Variants in AFAP1L2 observed in about 807,000 individuals in gnomAD.
AFAP1L2 encodes the protein actin filament associated protein 1 like 2, also known as actin filament-associated protein 1-like 2.
AFAP1L2 carries 46 observed loss-of-function variants against 99.3 expected under a neutral mutation model. The ratio of observed to expected loss-of-function variants is 0.46; its 90% CI spans 0.37 to 0.59. The LOEUF (loss-of-function observed/expected upper bound fraction) is 0.59, where lower values mean the gene tolerates loss of function less well. Among genes scored for constraint, AFAP1L2 ranks in the 20% least tolerant of loss-of-function variants. AFAP1L2 has a pLI of 0.00. For synonymous variants in AFAP1L2, 397 were observed against 419.1 expected (o/e 0.95, Z 0.64); for missense variants, 959 against 1,034.9 (o/e 0.93, Z 1.01).
At chr10:114,350,137 G>C (rs1015178966) in intron 1 of AFAP1L2, among the ~76,000 whole-genome samples, 4 of 152,206 alleles carry the variant, frequency 2.6e-5, no homozygotes, top group Non-Finnish European at 1.5e-5. Flanking sequence ...GCTGGAATCA[G>C]AGCTTCTCAG....
intron 2 of AFAP1L2, among the ~76,000 whole-genome samples, chr10:114,338,322 C>T (rs923714063): frequency 6.6e-6 from 1 of 152,304 alleles, no homozygotes; most frequent in East Asian, 1.9e-4. Context: ...ATTAGATGCC[C>T]TTGCACGGTC....
At chr10:114,286,565 C>G in the AFAP1L2 span, 1 of 1,456,480 alleles carries the variant, frequency 6.9e-7, no homozygotes, top group Admixed American at 2.3e-5. Context: ...GGTCCTTCCT[C>G]CTTTTGGCCA....
At chr10:114,306,715 G>A (rs1235046813) in intron 10 of AFAP1L2, among the ~76,000 whole-genome samples, 1 of 152,002 alleles carries the variant, frequency 6.6e-6, no homozygotes, top group African/African-American at 2.4e-5. Flanking sequence ...AGCACCCCCA[G>A]TCCTGGGAAG....
intron 1 of AFAP1L2, among the ~76,000 whole-genome samples, chr10:114,369,083 T>C (rs2136919251): frequency 6.6e-6 from 1 of 152,270 alleles, no homozygotes; most frequent in Admixed American, 6.5e-5. Flanking sequence ...AATTATGAGA[T>C]TTTTTTGGGG....
chr10:114,351,753 G>A (rs112425336), intron 1 of AFAP1L2, among the ~76,000 whole-genome samples: 8 of 152,312 alleles, frequency 5.3e-5, no homozygotes, highest in Admixed American at 3.3e-4. Flanking sequence ...GAACTTATGC[G>A]CCCTCTGAAC....
chr10:114,385,292 G>C (rs2056353410), intron 1 of AFAP1L2, among the ~76,000 whole-genome samples: 1 of 152,192 alleles, frequency 6.6e-6, no homozygotes, highest in African/African-American at 2.4e-5. Flanking sequence ...TTCAGAGACA[G>C]CCACAGAGTC....
chr10:114,395,178 T>TG (rs2057564546), intron 1 of AFAP1L2, among the ~76,000 whole-genome samples: 1 of 152,210 alleles, frequency 6.6e-6, no homozygotes, highest in Admixed American at 6.5e-5. Context: ...AGAGGGCTTC[T>TG]GTTAACTGTA....
intron 1 of AFAP1L2, among the ~76,000 whole-genome samples, chr10:114,373,589 C>T (rs1260024230): frequency 6.6e-6 from 1 of 152,142 alleles, no homozygotes; most frequent in African/African-American, 2.4e-5. Context: ...TGTGCTATTG[C>T]ACTCCAGCCT....
intron 1 of AFAP1L2, among the ~76,000 whole-genome samples, chr10:114,354,354 G>A (rs1216436770): frequency 6.6e-6 from 1 of 152,072 alleles, no homozygotes; most frequent in African/African-American, 2.4e-5. Context: ...AATAATCAGG[G>A]GACAGCCTGT....
the AFAP1L2 span, chr10:114,289,744 C>T: frequency 1.8e-6 from 1 of 544,440 alleles, no homozygotes; most frequent in Non-Finnish European, 3.3e-6. Flanking sequence ...TATGCATTCC[C>T]TTTAAACAGA....
chr10:114,402,585 G>A (rs1176176430), intron 1 of AFAP1L2, among the ~76,000 whole-genome samples: 1 of 152,164 alleles, frequency 6.6e-6, no homozygotes, highest in African/African-American at 2.4e-5. Flanking sequence ...AAAAACATAA[G>A]CACCCTGACC....
At chr10:114,294,779 A>G (rs1281207684), downstream of AFAP1L2, 1 of 957,740 alleles carries the variant, frequency 1.0e-6, no homozygotes, top group Non-Finnish European at 1.2e-6. Flanking sequence ...TCCCTTGAGA[A>G]CCCCCCAGGC....
At chr10:114,302,164 C>T (rs2134057381) in intron 12 of AFAP1L2, 175 bp downstream of exon 12, 1 of 974,508 alleles carries the variant, frequency 1.0e-6, no homozygotes, top group East Asian at 2.5e-5. Flanking sequence ...TAGCTCAGCT[C>T]CTGGCTCTTG....
intron 5 of AFAP1L2, among the ~76,000 whole-genome samples, chr10:114,318,169 T>C (rs2044449161): frequency 6.6e-6 from 1 of 152,236 alleles, no homozygotes; most frequent in Admixed American, 6.5e-5. Flanking sequence ...AAAATGTTTT[T>C]CCTTATTGCC....
At chr10:114,289,393 C>CGGAGGCTTG in the AFAP1L2 span, 12,587 of 1,614,208 alleles carry the variant, frequency 7.8e-3, 76 homozygotes, top group Admixed American at 9.8e-3. Flanking sequence ...TGAGGGTCTG[C>CGGAGGCTTG]GGAGGCTTGC....
chr10:114,291,699 C>A (rs1346852225), downstream of AFAP1L2, among the ~76,000 whole-genome samples: 1 of 152,238 alleles, frequency 6.6e-6, no homozygotes, highest in Non-Finnish European at 1.5e-5. Flanking sequence ...CGGCGAAGGC[C>A]ACGGCCTTTC....
chr10:114,328,625 T>C (rs946223011), intron 4 of AFAP1L2, among the ~76,000 whole-genome samples: 2 of 152,166 alleles, frequency 1.3e-5, no homozygotes, highest in Non-Finnish European at 2.9e-5. Context: ...TTGGCCACGG[T>C]TGATGGTCTG....
At chr10:114,386,577 C>G (rs1240167779) in intron 1 of AFAP1L2, among the ~76,000 whole-genome samples, 2 of 152,268 alleles carry the variant, frequency 1.3e-5, no homozygotes, top group East Asian at 3.9e-4. Flanking sequence ...AGAGATGGTG[C>G]TAGAAGTTAG....
chr10:114,328,313 A>C (rs2046706667), intron 4 of AFAP1L2, among the ~76,000 whole-genome samples: 1 of 152,192 alleles, frequency 6.6e-6, no homozygotes, highest in South Asian at 2.1e-4. Flanking sequence ...ATCCTGGCCC[A>C]GCCATAGGCC....
Sources: allele counts gnomAD v4.1 joint callset (sites outside exome capture counted in the v4.1 genomes callset), GRCh38; gene constraint gnomAD v4.1.1; transcripts MANE v1.5; gene names NCBI Gene and HGNC (gene_info 2026-07-23, HGNC 2026-07-21).